RALGPS1: variants seen among roughly 807,000 people sequenced by gnomAD.
RALGPS1 encodes Ral GEF with PH domain and SH3 binding motif 1, also known as ras-specific guanine nucleotide-releasing factor RalGPS1.
RALGPS1 carries 19 observed loss-of-function variants against 78.8 expected under a neutral mutation model. The ratio of observed to expected loss-of-function variants is 0.24; its 90% confidence interval spans 0.17 to 0.35. RALGPS1 has a LOEUF of 0.35. RALGPS1 is among the 10% of genes least tolerant of loss of function. The pLI is 1.00. For missense variants in RALGPS1, 454 were observed against 688.3 expected, an observed-to-expected ratio of 0.66 and a Z score of 3.81; for synonymous variants, 228 against 256.3, an observed-to-expected ratio of 0.89 and a Z score of 1.06.
intron 8 of RALGPS1, among the ~76,000 whole-genome samples, chr9:127,126,124 C>T (rs1197632444): frequency 6.6e-6 from 1 of 152,124 alleles, no homozygotes; most frequent in Non-Finnish European, 1.5e-5. Context: ...CCCAAACTGA[C>T]TCTTTCCCAT....
rs778072218 is a variant in RALGPS1 at position 127,108,725 on chromosome 9, G to A, written c.610+39369G>A. ...AGCCACCAGCATGTCACGCACAGTG[G>A]CCTCATGGTCCTTGCAAAATGGTGG... On this transcript the variant is annotated intron_variant, in intron 8 of 18. Transcript: ENST00000259351. The A allele has an allele frequency of 3.1e-6, 5 of 1,605,430 alleles. No individual in the cohort carries two copies. Among genetic ancestry groups the A allele is most frequent in the East Asian group, 2.2e-5 (1 of 44,638 alleles).
At chr9:126,936,585 T>C (rs1456740964) in intron 1 of RALGPS1, among the ~76,000 whole-genome samples, 1 of 152,138 alleles carries the variant, frequency 6.6e-6, no homozygotes, top group Non-Finnish European at 1.5e-5. Context: ...GCTTCCCCTG[T>C]GCAACTCTGG....
Position 127,122,079 on chromosome 9 carries a change from C to A in RALGPS1, c.611-43990C>A, listed in dbSNP as rs62578765. ...GTCCAAAAGAGGAGAGTGAGGCTTA[C>A]TCATGAAGTCCTCGAGATGCCAGCC... On this transcript the variant is annotated intron_variant, in intron 8 of 18. Coordinates refer to ENST00000259351, the MANE Select transcript of RALGPS1 (RefSeq NM_014636.3). The surrounding 1 kb of genome is among the most constrained non-coding windows in gnomAD (Gnocchi z 6.4). 0.37 allele frequency among the ~76,000 whole-genome samples: 56,731 copies of A among 152,084 alleles called. 12,436 individuals are homozygous for A. The highest frequency in any genetic ancestry group is 0.48 in the Non-Finnish European group (32,576 of 67,924).
At chr9:127,115,664 CTTGT>C (rs2055334336) in intron 8 of RALGPS1, among the ~76,000 whole-genome samples, 1 of 152,208 alleles carries the variant, frequency 6.6e-6, no homozygotes, top group African/African-American at 2.4e-5. Flanking sequence ...ATAAAAGGTG[CTTGT>C]TTGTTTAATG....
intron 8 of RALGPS1, among the ~76,000 whole-genome samples, chr9:127,150,443 T>C (rs1390963715): frequency 6.6e-6 from 1 of 152,210 alleles, no homozygotes; most frequent in Non-Finnish European, 1.5e-5. Context: ...TGCTTTAGGC[T>C]TTCCAAGCTC....
chr9:127,098,620 C>G (rs146108704), intron 8 of RALGPS1, among the ~76,000 whole-genome samples: 2 of 152,174 alleles, frequency 1.3e-5, no homozygotes, highest in Non-Finnish European at 1.5e-5. Context: ...CCGGACCCCA[C>G]TGCCATACCC....
intron 5 of RALGPS1, among the ~76,000 whole-genome samples, chr9:127,048,684 T>C (rs753399260): frequency 1.3e-5 from 2 of 152,258 alleles, no homozygotes; most frequent in Non-Finnish European, 2.9e-5. Flanking sequence ...ACATGTAAAC[T>C]ATCACACTTG....
intron 11 of RALGPS1, among the ~76,000 whole-genome samples, chr9:127,179,152 T>C (rs933427340): frequency 1.3e-4 from 20 of 152,188 alleles, no homozygotes; most frequent in Admixed American, 1.2e-3. Context: ...CCCCAGCTCA[T>C]AGGAGTGTTT....
chr9:126,952,656 A>AGTGTGTGTGTGTGTGTGTGTGTGT (rs1281535322), intron 1 of RALGPS1, among the ~76,000 whole-genome samples: 5 of 138,922 alleles, frequency 3.6e-5, no homozygotes, highest in Non-Finnish European at 6.3e-5. Context: ...AGAGAGAGAG[A>AGTGTGTGTGTGTGTGTGTGTGTGT]GTGTGTGTGT....
At chr9:126,983,068 C>T (rs1363587854) in intron 4 of RALGPS1, among the ~76,000 whole-genome samples, 1 of 150,060 alleles carries the variant, frequency 6.7e-6, no homozygotes, top group Admixed American at 6.7e-5. Flanking sequence ...TCCCAAGTAG[C>T]TGGGATTACA....
intron 1 of RALGPS1, among the ~76,000 whole-genome samples, chr9:126,939,459 G>A (rs1263411386): frequency 6.6e-6 from 1 of 152,188 alleles, no homozygotes; most frequent in East Asian, 1.9e-4. Flanking sequence ...CACAGAGATG[G>A]CTTCAGTTAA....
At chr9:127,042,199 G>A (rs1210140360) in intron 5 of RALGPS1, among the ~76,000 whole-genome samples, 1 of 151,510 alleles carries the variant, frequency 6.6e-6, no homozygotes, top group Non-Finnish European at 1.5e-5. Flanking sequence ...TTATAATTCC[G>A]CCGTGGCATG....
chr9:127,067,127 G>A (rs1007781242), intron 7 of RALGPS1, among the ~76,000 whole-genome samples: 7 of 151,974 alleles, frequency 4.6e-5, no homozygotes, highest in Non-Finnish European at 1.5e-5. Context: ...TTTACCACTG[G>A]GCTTTGTGAA....
chr9:127,016,116 C>T (rs1023266942), intron 4 of RALGPS1, among the ~76,000 whole-genome samples: 2 of 152,062 alleles, frequency 1.3e-5, no homozygotes, highest in Admixed American at 6.6e-5. Context: ...CCTGCCACCC[C>T]ACTGTTTCCT....
At chr9:126,977,785 G>A in intron 4 of RALGPS1, 40 bp downstream of exon 4, 2 of 1,463,338 alleles carry the variant, frequency 1.4e-6, no homozygotes, top group Admixed American at 2.0e-5. Context: ...TCATGCTGTG[G>A]GTGGGCAGCG....
At chr9:127,210,831 C>T (rs1298022152) in intron 14 of RALGPS1, 1 of 1,425,550 alleles carries the variant, frequency 7.0e-7, no homozygotes, top group Middle Eastern at 1.7e-4. Context: ...GTTATGTGGC[C>T]TTTTGGATGC....
intron 1 of RALGPS1, among the ~76,000 whole-genome samples, chr9:126,956,980 G>A (rs1281240309): frequency 6.6e-6 from 1 of 152,200 alleles, no homozygotes; most frequent in Non-Finnish European, 1.5e-5. Flanking sequence ...GACTGACTAG[G>A]GTTTGCACCT....
intron 8 of RALGPS1, among the ~76,000 whole-genome samples, chr9:127,099,900 G>A (rs1230189958): frequency 1.3e-5 from 2 of 152,220 alleles, no homozygotes; most frequent in Non-Finnish European, 2.9e-5. Context: ...GATGGGCATG[G>A]TGCCTGGGGC....
At chr9:127,076,167 G>A (rs970013658) in intron 8 of RALGPS1, among the ~76,000 whole-genome samples, 5 of 152,194 alleles carry the variant, frequency 3.3e-5, no homozygotes, top group Non-Finnish European at 5.9e-5. Flanking sequence ...GCAAATACCC[G>A]GTTAGATTGG....
Sources: allele counts gnomAD v4.1 joint callset (sites outside exome capture counted in the v4.1 genomes callset), GRCh38; gene constraint gnomAD v4.1.1; non-coding constraint Gnocchi (gnomAD v3.1); transcripts MANE v1.5; gene names NCBI Gene and HGNC (gene_info 2026-07-23, HGNC 2026-07-21).